GINS1: variants seen among roughly 807,000 people sequenced by gnomAD.
GINS1 encodes the protein GINS complex subunit 1, also known as DNA replication complex GINS protein PSF1.
GINS1 carries 26 observed loss-of-function variants against 34.9 expected under a neutral mutation model. That is an observed-to-expected ratio of 0.74 (90% confidence interval 0.55 to 1.03). GINS1 has a LOEUF of 1.03. Among genes scored for constraint, GINS1 ranks in the 50% least tolerant of loss-of-function variants. The pLI, the probability that GINS1 is intolerant of heterozygous loss-of-function variation, is 0.00. For synonymous variants in GINS1, 97 were observed against 84.4 expected, an observed-to-expected ratio of 1.15 and a Z score of -0.82; for missense variants, 235 against 237.9, an observed-to-expected ratio of 0.99 and a Z score of 0.08.
At chr20:25,425,096 A>G (rs1483077665) in intron 4 of GINS1, 115 bp from the exon 5 acceptor site, 2 of 584,716 alleles carry the variant, frequency 3.4e-6, no homozygotes, top group African/African-American at 3.7e-5. Flanking sequence ...GCATTAATGA[A>G]TGAATGGTCA....
chr20:25,427,749 C>A (rs989486511), intron 5 of GINS1, among the ~76,000 whole-genome samples: 1 of 151,422 alleles, frequency 6.6e-6, no homozygotes, highest in African/African-American at 2.4e-5. Flanking sequence ...CAAATATTTT[C>A]TCCCATTCTC....
chr20:25,408,117 G>A (rs2090259052), intron 1 of GINS1, among the ~76,000 whole-genome samples: 1 of 152,248 alleles, frequency 6.6e-6, no homozygotes, highest in Non-Finnish European at 1.5e-5. Context: ...TTGCATTTTA[G>A]CAGTTTTCCT....
intron 5 of GINS1, among the ~76,000 whole-genome samples, chr20:25,427,790 CT>C (rs1311505276): frequency 7.3e-6 from 1 of 136,888 alleles, no homozygotes; most frequent in Non-Finnish European, 1.6e-5. Flanking sequence ...TTGATAGTGT[CT>C]TTTTTTTTCT....
intron 4 of GINS1, 52 bp downstream of exon 4, chr20:25,418,247 C>A: frequency 1.0e-6 from 1 of 998,738 alleles, no homozygotes; most frequent in Non-Finnish European, 1.6e-6. Flanking sequence ...AAAGTTCTGG[C>A]ATTGTTCTAT....
chr20:25,419,660 T>G (rs1290865459), intron 4 of GINS1: 1 of 710,810 alleles, frequency 1.4e-6, no homozygotes, highest in African/African-American at 1.9e-5. Flanking sequence ...TATTTTAGAT[T>G]AATTTTTTTG....
chr20:25,427,790 CTTTT>C (rs1311505276), intron 5 of GINS1, among the ~76,000 whole-genome samples: 1 of 136,888 alleles, frequency 7.3e-6, no homozygotes, highest in African/African-American at 2.7e-5. Flanking sequence ...TTGATAGTGT[CTTTT>C]TTTTTCTTTT....
chr20:25,407,983 G>A, intron 1 of GINS1, 88 bp downstream of exon 1: 2 of 952,792 alleles, frequency 2.1e-6, no homozygotes, highest in Non-Finnish European at 3.4e-6. Context: ...GTTCACTTTC[G>A]CACCTTGTTC....
chr20:25,435,863 A>C (rs2090452371), intron 5 of GINS1, among the ~76,000 whole-genome samples: 1 of 129,482 alleles, frequency 7.7e-6, no homozygotes, highest in Non-Finnish European at 1.6e-5. Flanking sequence ...CCCAGGCTGG[A>C]GTGCAGTGGC....
chr20:25,433,401 A>G (rs771903112), intron 5 of GINS1, among the ~76,000 whole-genome samples: 11 of 152,132 alleles, frequency 7.2e-5, no homozygotes, highest in Admixed American at 2.0e-4. Context: ...TCCCTTATAT[A>G]AAGTAGTATG....
chr20:25,428,645 C>T (rs2090407186), intron 5 of GINS1, among the ~76,000 whole-genome samples: 2 of 151,700 alleles, frequency 1.3e-5, no homozygotes, highest in South Asian at 4.2e-4. Flanking sequence ...ACCTTGTGAT[C>T]CGCCCACCTC....
intron 4 of GINS1, chr20:25,420,881 G>A: frequency 2.0e-6 from 2 of 980,162 alleles, no homozygotes; most frequent in Non-Finnish European, 2.4e-6. Flanking sequence ...GATGAGAAGA[G>A]ATTAATACAG....
At chr20:25,413,401 A>G (rs955196075) in intron 1 of GINS1, 39 of 163,058 alleles carry the variant, frequency 2.4e-4, no homozygotes, top group Non-Finnish European at 3.2e-4. Flanking sequence ...TTATCCATCT[A>G]TCATTTGATG....
Position 25,407,907 on chromosome 20 carries a change from G to T in GINS1, c.75+12G>T, listed in dbSNP as rs577792388. On this transcript the variant is annotated intron_variant, in intron 1 of 6. Coordinates refer to ENST00000262460, the MANE Select transcript of GINS1 (RefSeq NM_021067.5). ...TGCCTGCCTTCAACGTGAGGGGCGG[G>T]TAGACTTGGACGGGGCATGCCGGCG... 2 of 1,605,052 alleles carry T rather than the reference G, an allele frequency of 1.2e-6. No homozygotes were observed. Among genetic ancestry groups the T allele is most frequent in the African/African-American group, 2.7e-5 (2 of 74,890 alleles).
intron 5 of GINS1, among the ~76,000 whole-genome samples, chr20:25,432,719 G>A (rs976558866): frequency 2.6e-5 from 4 of 151,228 alleles, no homozygotes; most frequent in Non-Finnish European, 5.9e-5. Flanking sequence ...TGCCCACCTC[G>A]GCCTCCCAAA....
chr20:25,415,000 C>G (rs116456807), intron 2 of GINS1, among the ~76,000 whole-genome samples: 2 of 152,126 alleles, frequency 1.3e-5, no homozygotes, highest in Non-Finnish European at 2.9e-5. Context: ...TTCGTATGTT[C>G]CTGTGCGACA....
chr20:25,448,131 A>AAAAAG lies in GINS1; in HGVS notation c.*2144_*2148dup, dbSNP rs1388424061. ...GGGTGACAAAGTGAGACTCTATCTC[A>AAAAAG]AAAAGAAATTAGGATCAATTTGTCA... On this transcript the variant is annotated 3_prime_UTR_variant, in exon 7 of 7. Coordinates refer to ENST00000262460, the MANE Select transcript of GINS1 (RefSeq NM_021067.5). The AAAAAG allele has an allele frequency of 6.6e-6, 1 of 152,196 alleles. No homozygotes were observed. Among genetic ancestry groups the AAAAAG allele is most frequent in the Non-Finnish European group, 1.5e-5 (1 of 68,048 alleles). 9.4% of individuals were successfully genotyped at this position (152,196 alleles called of 1,614,324 possible).
chr20:25,409,667 A>C (rs1236884128), intron 1 of GINS1, among the ~76,000 whole-genome samples: 1 of 152,246 alleles, frequency 6.6e-6, no homozygotes, highest in Admixed American at 6.5e-5. Context: ...TTATGGGTCA[A>C]GTTAAGGAAC....
chr20:25,445,888 T>C, intron 6 of GINS1, 35 bp from the exon 7 acceptor site: 1 of 1,289,228 alleles, frequency 7.8e-7, no homozygotes. Flanking sequence ...CAATCATTTA[T>C]TTTACTCTTT....
intron 4 of GINS1, among the ~76,000 whole-genome samples, chr20:25,418,983 G>T (rs190855081): frequency 1.8e-4 from 28 of 152,236 alleles, no homozygotes; most frequent in Admixed American, 1.7e-3. Context: ...ACTATGTAGG[G>T]GTTCACCACG....
Sources: allele counts gnomAD v4.1 joint callset (sites outside exome capture counted in the v4.1 genomes callset), GRCh38; gene constraint gnomAD v4.1.1; transcripts MANE v1.5; gene names NCBI Gene and HGNC (gene_info 2026-07-23, HGNC 2026-07-21).